SFTPD: variants seen among roughly 807,000 people sequenced by gnomAD.
SFTPD encodes pulmonary surfactant-associated protein D.
SFTPD carries 18 observed loss-of-function variants against 34.6 expected under a neutral mutation model. The ratio of observed to expected loss-of-function variants is 0.52; its 90% CI spans 0.36 to 0.77. SFTPD has a LOEUF of 0.77. SFTPD is among the 30% of genes least tolerant of loss of function. The probability of loss-of-function intolerance (pLI) is 0.00; values close to 1 mark genes in which losing one functional copy is unlikely to be tolerated. For synonymous variants in SFTPD, 155 were observed against 180.9 expected (o/e 0.86, Z 1.15); for missense variants, 433 against 468.9 (o/e 0.92, Z 0.71).
intron 1 of SFTPD, among the ~76,000 whole-genome samples, chr10:79,958,825 A>G (rs1215246820): frequency 6.6e-6 from 1 of 152,166 alleles, no homozygotes. Flanking sequence ...CTCCACCCCA[A>G]ATCAACAGAA....
At chr10:79,939,030 C>T (rs1434125430) in intron 7 of SFTPD, among the ~76,000 whole-genome samples, 1 of 152,216 alleles carries the variant, frequency 6.6e-6, no homozygotes, top group East Asian at 1.9e-4. Flanking sequence ...GGGAAAGTCA[C>T]TTCCCTTTTC....
chr10:79,943,836 T>C (rs1842640095), intron 2 of SFTPD, among the ~76,000 whole-genome samples: 1 of 152,220 alleles, frequency 6.6e-6, no homozygotes, highest in Admixed American at 6.5e-5. Flanking sequence ...CAGCACATTT[T>C]CCTCAAGGCA....
rs149284554 is a variant in SFTPD at position 79,975,719 on chromosome 10, C to T, written c.36+6856G>A. Among the ~76,000 whole-genome samples, 697 of 152,250 alleles carry T rather than the reference C, an allele frequency of 4.6e-3. 21 individuals carry two copies. The East Asian group carries it at 0.061, about 13-fold the overall frequency. Reference sequence around the variant, plus strand: ...AGAGCCCTGAACAGAGATTTAACCACGTATTTATTAACAGCAAGCCAGTCA... The same window carrying T: ...AGAGCCCTGAACAGAGATTTAACCATGTATTTATTAACAGCAAGCCAGTCA... On this transcript the variant is annotated intron_variant, in intron 1 of 5. Transcript: ENST00000444384.
At chr10:79,973,068 A>G (rs1339478531) in intron 1 of SFTPD, 3 of 152,220 alleles carry the variant, frequency 2.0e-5, no homozygotes, top group Non-Finnish European at 4.4e-5. Flanking sequence ...AGAAAATGAC[A>G]GTAAAAGTTA....
At chr10:79,943,372 C>G (rs985932369) in intron 2 of SFTPD, among the ~76,000 whole-genome samples, 4 of 152,172 alleles carry the variant, frequency 2.6e-5, no homozygotes, top group Admixed American at 1.3e-4. Flanking sequence ...TGAGCTTAGC[C>G]TCAGGTCCTG....
chr10:79,941,827 A>T (rs1177454986), intron 5 of SFTPD, 127 bp downstream of exon 5: 2 of 726,948 alleles, frequency 2.8e-6, no homozygotes, highest in Non-Finnish European at 4.9e-6. Flanking sequence ...TTGGATACAG[A>T]TTCTCTCCAT....
At chr10:79,952,422 G>A (rs909470288), upstream of SFTPD, among the ~76,000 whole-genome samples, 2 of 152,142 alleles carry the variant, frequency 1.3e-5, no homozygotes, top group African/African-American at 4.8e-5. Context: ...CTGCCTACTG[G>A]TGCAGAACCA....
chr10:79,974,451 C>A (rs117139504), intron 1 of SFTPD, among the ~76,000 whole-genome samples: 10,131 of 152,024 alleles, frequency 0.067, 549 homozygotes, highest in South Asian at 0.2. Context: ...ACCCAGCCAC[C>A]CCCAGATATT....
At chr10:79,942,530 G>A in intron 3 of SFTPD, 26 bp from the exon 4 acceptor site, 2 of 1,450,890 alleles carry the variant, frequency 1.4e-6, no homozygotes, top group Non-Finnish European at 1.9e-6. Flanking sequence ...AGCCCGGTCA[G>A]TAACAATGAA....
intron 1 of SFTPD, among the ~76,000 whole-genome samples, chr10:79,962,627 T>C (rs181580093): frequency 1.3e-5 from 2 of 152,296 alleles, no homozygotes; most frequent in African/African-American, 4.8e-5. Context: ...ACATTTTCCA[T>C]GTGGACCTCT....
chr10:79,937,855 GAA>G lies in SFTPD; in HGVS notation c.1123_1124del (p.Phe375LeufsTer?), dbSNP rs1842571369. 1.3e-6 allele frequency: 2 copies of G among 1,537,636 alleles called. No individual in the cohort carries two copies. The highest frequency in any genetic ancestry group is 2.5e-5 in the South Asian group (2 of 78,948). ...TGCCCCACCCACCCCAGTTGGCTCAGAACTCGCAGACCACAAGACGCTTTTCT... is the reference window on the plus strand; with the variant it reads ...TGCCCCACCCACCCCAGTTGGCTCAGCTCGCAGACCACAAGACGCTTTTCT... ...CGEKRLVVCE[F>X] On this transcript the variant is annotated frameshift_variant, in exon 8 of 8. Transcript: ENST00000372292. LOFTEE classifies it high-confidence loss of function.
chr10:79,942,525 G>T (rs539429533), intron 3 of SFTPD, 21 bp from the exon 4 acceptor site: 6 of 1,494,996 alleles, frequency 4.0e-6, no homozygotes, highest in South Asian at 3.4e-5. Context: ...GCACCAGCCC[G>T]GTCAGTAACA....
intron 6 of SFTPD, 34 bp from the exon 7 acceptor site, chr10:79,940,822 T>G: frequency 7.1e-7 from 1 of 1,417,198 alleles, no homozygotes; most frequent in Non-Finnish European, 1.0e-6. Flanking sequence ...TAAAGACTTG[T>G]CCAGAGAGCG....
In SFTPD at chr10:79,937,951, G is replaced by A. The variant is rs1564761688; in HGVS notation, c.1029C>T (p.Asn343=). The part of the protein sequence containing the change: ...VYSNWAPGEP[N]DDGGSEDCVE... ...CACAGTCCTCTGACCCGCCATCATC[G>A]TTGGGCTCCCCTGGGGCCCAGTTGG... The change falls in exon 8 of 8, where the codon AAC becomes AAT. Residue 343 remains asparagine (N), a synonymous_variant. Transcript: ENST00000372292. 22 of 1,613,062 alleles carry A rather than the reference G, an allele frequency of 1.4e-5. No homozygotes were observed. The highest frequency in any genetic ancestry group is 2.7e-5 in the African/African-American group (2 of 75,016).
chr10:79,939,967 G>GTC (rs3842640), intron 7 of SFTPD, among the ~76,000 whole-genome samples: 103,931 of 151,880 alleles, frequency 0.68, 36,552 homozygotes, highest in African/African-American at 0.85. Flanking sequence ...TTAGGGCAAA[G>GTC]TCTGCTTTAA....
chr10:79,952,139 T>C (rs1205629188), upstream of SFTPD, among the ~76,000 whole-genome samples: 3 of 152,204 alleles, frequency 2.0e-5, no homozygotes, highest in Non-Finnish European at 4.4e-5. Context: ...ATAGAACCTC[T>C]TCCCTCAGCA....
rs188797965 is a variant in SFTPD at position 79,958,977 on chromosome 10, A to G, written c.37-12315T>C. On this transcript the variant is annotated intron_variant, in intron 1 of 5. Transcript: ENST00000444384. ...CCACAGTGCAATCAAACTAGAACTC[A>G]GGACTAAGAAACTCACTCAAAACTG... Among the ~76,000 whole-genome samples the G allele has an allele frequency of 5.8e-3, 880 of 152,340 alleles. 10 individuals are homozygous for G. Among genetic ancestry groups the G allele is most frequent in the African/African-American group, 0.02 (848 of 41,570 alleles).
At chr10:79,946,773 C>G (rs1842670262) in intron 1 of SFTPD, 111 bp from the exon 2 acceptor site, 1 of 956,074 alleles carries the variant, frequency 1.0e-6, no homozygotes, top group Non-Finnish European at 1.6e-6. Context: ...TCCTTCTGTC[C>G]TCTGCTATGG....
rs1330538445 is a variant in SFTPD, at chr10:79,970,988, T to C, written c.36+11587A>G. On this transcript the variant is annotated intron_variant, in intron 1 of 5. Coordinates refer to the SFTPD transcript ENST00000444384. ...TTCAGCTTTTCCCTATTCAGCATAA[T>C]GCTACCTGTGGGTTTGTTATATGTA... The C allele has an allele frequency of 2.6e-5, 4 of 152,318 alleles. No homozygotes were observed. In the East Asian group the frequency reaches 7.7e-4, roughly 29 times the overall value. The allele number at this position is 152,318 out of a possible 1,614,324, so 9.4% of individuals were successfully genotyped here.
Sources: gnomAD v4.1 joint callset for allele counts (sites outside exome capture counted in the v4.1 genomes callset) on GRCh38, gnomAD v4.1.1 for gene constraint, MANE v1.5 for transcripts, NCBI Gene and HGNC (gene_info 2026-07-23, HGNC 2026-07-21) for gene names.